The following TRPC7 variants were observed in gnomAD, a reference collection of about 807,000 sequenced individuals.
The protein encoded by TRPC7 is transient receptor potential cation channel subfamily C member 7.
In TRPC7, 42 loss-of-function variants were observed where a neutral mutation model predicts 90.1. The observed-to-expected ratio is 0.47, with a 90% CI of 0.36 to 0.60. The LOEUF (loss-of-function observed/expected upper bound fraction) is 0.60, where lower values mean the gene tolerates loss of function less well. TRPC7 is among the 20% of genes least tolerant of loss of function. TRPC7 has a pLI of 0.00. For synonymous variants in TRPC7, 451 were observed against 436.3 expected, an observed-to-expected ratio of 1.03 and a Z score of -0.42; for missense variants, 955 against 1,112.3, an observed-to-expected ratio of 0.86 and a Z score of 2.01.
chr5:136,298,417 G>A lies in TRPC7; in HGVS notation c.963+17180C>T, dbSNP rs529309012. 1.5e-4 allele frequency among the ~76,000 whole-genome samples: 23 copies of A among 152,354 alleles called. No individual in the cohort carries two copies. The South Asian group carries it at 4.8e-3, about 32-fold the overall frequency. The stretch of plus-strand genomic sequence containing the variant: ...GGGCCAGGTCATGCAGCACTTTGTA[G>A]GCCATTGTTAATAGTTGGATTTTAA... On this transcript the variant is annotated intron_variant, in intron 3 of 11. Transcript: ENST00000513104.
At chr5:136,310,765 T>G (rs1758800832) in intron 3 of TRPC7, among the ~76,000 whole-genome samples, 1 of 152,120 alleles carries the variant, frequency 6.6e-6, no homozygotes, top group Non-Finnish European at 1.5e-5. Flanking sequence ...CAAAGGCTGC[T>G]GCTATTACAG....
At chr5:136,353,967 C>T (rs1236598681) in intron 2 of TRPC7, among the ~76,000 whole-genome samples, 4 of 152,148 alleles carry the variant, frequency 2.6e-5, no homozygotes, top group Non-Finnish European at 4.4e-5. Context: ...AAAAATGTCT[C>T]AGATGTAATT....
chr5:136,286,984 A>G (rs1327263159), intron 3 of TRPC7, among the ~76,000 whole-genome samples: 1 of 152,072 alleles, frequency 6.6e-6, no homozygotes, highest in African/African-American at 2.4e-5. Flanking sequence ...CTGTCTCAAA[A>G]TCTTGTTAAT....
chr5:136,301,373 T>C (rs1160863473), intron 3 of TRPC7, among the ~76,000 whole-genome samples: 4 of 139,496 alleles, frequency 2.9e-5, no homozygotes, highest in Non-Finnish European at 4.6e-5. Flanking sequence ...CAAATCATAG[T>C]TGTCAGGCCT....
At chr5:136,317,909 G>A (rs1034462122) in intron 2 of TRPC7, among the ~76,000 whole-genome samples, 1 of 152,186 alleles carries the variant, frequency 6.6e-6, no homozygotes, top group Non-Finnish European at 1.5e-5. Context: ...CAGAACAGAA[G>A]GTGACACTTC....
chr5:136,325,426 C>A (rs1759316819), intron 2 of TRPC7, among the ~76,000 whole-genome samples: 1 of 152,154 alleles, frequency 6.6e-6, no homozygotes, highest in South Asian at 2.1e-4. Context: ...TCTTCCCTCT[C>A]TCCTTCCTTC....
chr5:136,280,242 T>A (rs1227196134), intron 3 of TRPC7, among the ~76,000 whole-genome samples: 1 of 152,180 alleles, frequency 6.6e-6, no homozygotes, highest in Non-Finnish European at 1.5e-5. Flanking sequence ...CCCAAAGACA[T>A]CTTGGACACC....
intron 7 of TRPC7, among the ~76,000 whole-genome samples, chr5:136,240,357 A>G (rs979702911): frequency 6.6e-6 from 1 of 152,154 alleles, no homozygotes; most frequent in Non-Finnish European, 1.5e-5. Flanking sequence ...CAAAATCCCC[A>G]CTGATCCATG....
intron 2 of TRPC7, among the ~76,000 whole-genome samples, chr5:136,336,343 A>G (rs1759663087): frequency 6.6e-6 from 1 of 152,130 alleles, no homozygotes; most frequent in African/African-American, 2.4e-5. Context: ...TATCTGGCAC[A>G]CAGAAGGAAG....
intron 3 of TRPC7, among the ~76,000 whole-genome samples, chr5:136,286,572 G>A (rs528691941): frequency 6.6e-6 from 1 of 152,136 alleles, no homozygotes; most frequent in Non-Finnish European, 1.5e-5. Context: ...TTCCATCTCA[G>A]CCAAACCACC....
chr5:136,251,835 C>T lies in TRPC7; in HGVS notation c.1393G>A (p.Glu465Lys). The stretch of plus-strand genomic sequence containing the variant: ...AGGTTCCACAAGTGCAGCACGTACT[C>T]CCGTGGCCCCTCCTCCCAGATTTCC... ...CKEIWEEGPR[E>K]YVLHLWNLLD... The change falls in exon 6 of 12, where the codon GAG (glutamate) becomes AAG (lysine). Residue 465 changes from glutamate (E) to lysine (K), a missense_variant. Glu to Lys is a moderately conservative substitution (Grantham distance 56). Transcript: ENST00000513104. 6.2e-7 allele frequency: 1 copy of T among 1,614,014 alleles called. No homozygotes were observed. Among genetic ancestry groups the T allele is most frequent in the Non-Finnish European group, 8.5e-7 (1 of 1,179,892 alleles).
intron 3 of TRPC7, among the ~76,000 whole-genome samples, chr5:136,306,410 T>G (rs1181517733): frequency 6.6e-6 from 1 of 152,102 alleles, no homozygotes; most frequent in African/African-American, 2.4e-5. Flanking sequence ...CAGCTTAATC[T>G]CTCCCACTTT....
chr5:136,354,517 T>C (rs895308753), intron 2 of TRPC7, among the ~76,000 whole-genome samples: 6 of 152,192 alleles, frequency 3.9e-5, no homozygotes, highest in African/African-American at 1.4e-4. Flanking sequence ...CATGAACATC[T>C]TCCTACAGAG....
intron 8 of TRPC7, among the ~76,000 whole-genome samples, chr5:136,231,109 G>A (rs572577752): frequency 7.7e-4 from 117 of 152,332 alleles, no homozygotes; most frequent in Admixed American, 3.6e-3. Flanking sequence ...GTAAAAGAGA[G>A]AAGACTCATG....
intron 7 of TRPC7, among the ~76,000 whole-genome samples, chr5:136,244,889 A>G (rs1261630718): frequency 6.6e-6 from 1 of 152,220 alleles, no homozygotes; most frequent in Admixed American, 6.5e-5. Context: ...CACTGCCCAG[A>G]AAGGGCGCTA....
intron 5 of TRPC7, among the ~76,000 whole-genome samples, chr5:136,256,929 TA>T (rs112812994): frequency 0.061 from 9,351 of 152,174 alleles, 590 homozygotes; most frequent in African/African-American, 0.16. Context: ...GCCTACATGA[TA>T]ACAATCGCCT....
chr5:136,242,412 G>A (rs775553433), intron 7 of TRPC7, among the ~76,000 whole-genome samples: 1 of 152,164 alleles, frequency 6.6e-6, no homozygotes, highest in Non-Finnish European at 1.5e-5. Context: ...GGACACAGAA[G>A]TGGCTATGAA....
chr5:136,235,103 A>G (rs993052490), intron 7 of TRPC7, among the ~76,000 whole-genome samples: 1 of 152,222 alleles, frequency 6.6e-6, no homozygotes, highest in African/African-American at 2.4e-5. Flanking sequence ...TGGCCACACA[A>G]AACTTTACTT....
At chr5:136,316,254 G>A (rs974514189) in intron 2 of TRPC7, among the ~76,000 whole-genome samples, 17 of 152,112 alleles carry the variant, frequency 1.1e-4, no homozygotes, top group African/African-American at 3.9e-4. Flanking sequence ...AACTTTTAGG[G>A]CTGATGTAAA....
Sources: allele counts gnomAD v4.1 joint callset (sites outside exome capture counted in the v4.1 genomes callset), GRCh38; gene constraint gnomAD v4.1.1; transcripts MANE v1.5; gene names NCBI Gene and HGNC (gene_info 2026-07-23, HGNC 2026-07-21).